Variants in NUDCD1 observed in about 807,000 individuals in gnomAD.
NUDCD1 encodes NudC domain containing 1.
A neutral mutation model predicts 67.8 loss-of-function variants in NUDCD1; 60 were observed. The ratio of observed to expected loss-of-function variants is 0.88; its 90% CI spans 0.72 to 1.10. The LOEUF (loss-of-function observed/expected upper bound fraction) is 1.10, where lower values mean the gene tolerates loss of function less well. NUDCD1 is among the 50% of genes least tolerant of loss of function. NUDCD1 has a pLI of 0.00. For missense variants in NUDCD1, 643 were observed against 695.0 expected (o/e 0.93, Z 0.84); for synonymous variants, 244 against 230.8 (o/e 1.06, Z -0.52).
chr8:109,295,863 C>T (rs761518001), intron 3 of NUDCD1, among the ~76,000 whole-genome samples: 1 of 151,982 alleles, frequency 6.6e-6, no homozygotes, highest in Non-Finnish European at 1.5e-5. Flanking sequence ...TATTAAAACC[C>T]TAAACTACCC....
chr8:109,325,615 AAAG>A (rs1253597598), intron 1 of NUDCD1, among the ~76,000 whole-genome samples: 1 of 152,256 alleles, frequency 6.6e-6, no homozygotes, highest in Non-Finnish European at 1.5e-5. Context: ...CACACTGTTC[AAAG>A]AAGGCCACAC....
intron 7 of NUDCD1, 151 bp downstream of exon 7, chr8:109,275,201 G>T: frequency 1.6e-6 from 1 of 637,704 alleles, no homozygotes; most frequent in Non-Finnish European, 2.7e-6. Flanking sequence ...TTAGAACTTA[G>T]GCCATATTCA....
rs149881065 is a variant in NUDCD1, at chr8:109,321,745, T to C, written c.273+564A>G. Among the ~76,000 whole-genome samples, 3 of 152,016 alleles carry C rather than the reference T, an allele frequency of 2.0e-5. No homozygotes were observed. The East Asian group carries it at 5.8e-4, about 29-fold the overall frequency. On this transcript the variant is annotated intron_variant, in intron 2 of 9. Coordinates refer to ENST00000239690, the MANE Select transcript of NUDCD1 (RefSeq NM_032869.4). ...CTATATGCTCTTTATGACACATACT[T>C]TAAAAACAAGAACACTGATAAATAG...
intron 3 of NUDCD1, among the ~76,000 whole-genome samples, chr8:109,293,905 A>G (rs1335623656): frequency 1.3e-5 from 2 of 152,058 alleles, no homozygotes; most frequent in Non-Finnish European, 2.9e-5. Flanking sequence ...AATCACCAAA[A>G]CATGTTTTTT....
At chr8:109,248,858 A>C (rs1435127601) in intron 8 of NUDCD1, among the ~76,000 whole-genome samples, 2 of 152,130 alleles carry the variant, frequency 1.3e-5, no homozygotes, top group African/African-American at 4.8e-5. Flanking sequence ...AATTTGCAAA[A>C]CTGTCTCCCC....
At chr8:109,265,073 G>C (rs2129928933) in intron 8 of NUDCD1, among the ~76,000 whole-genome samples, 1 of 151,960 alleles carries the variant, frequency 6.6e-6, no homozygotes, top group African/African-American at 2.4e-5. Flanking sequence ...GGCTTGCTAA[G>C]AATACTAATT....
Position 109,322,309 on chromosome 8 carries a change from C to A in NUDCD1, c.273G>T (p.Leu91=), listed in dbSNP as rs1443355645. ...LGRIMNLTVM[L]DTALGKPREV... ...ATTATTACATACATGTTTCTCTTAC[C>A]AGCATTACTGTTAAATTCATAATTC... is the stretch of plus-strand genomic sequence containing the variant. The change falls in exon 2 of 10, where the codon CTG becomes CTT. Residue 91 remains leucine (L), a splice_region_variant and synonymous_variant. Coordinates refer to ENST00000239690, the MANE Select transcript of NUDCD1 (RefSeq NM_032869.4). The A allele has an allele frequency of 1.3e-6, 2 of 1,485,902 alleles. No homozygotes were observed. The highest frequency in any genetic ancestry group is 2.4e-5 in the South Asian group (2 of 83,454). The allele number at this position is 1,485,902 out of a possible 1,614,324, so 92.0% of individuals were successfully genotyped here.
chr8:109,280,942 A>C, intron 6 of NUDCD1, 26 bp downstream of exon 6: 1 of 1,091,326 alleles, frequency 9.2e-7, no homozygotes, highest in Non-Finnish European at 1.3e-6. Context: ...ATAATAGAAT[A>C]TTAAAGTAAA....
At chr8:109,291,078 C>A (rs1586283074) in intron 4 of NUDCD1, among the ~76,000 whole-genome samples, 1 of 152,244 alleles carries the variant, frequency 6.6e-6, no homozygotes, top group Middle Eastern at 3.4e-3. Flanking sequence ...ATGCATGGGA[C>A]AGAAAAGAAT....
At chr8:109,326,890 G>A (rs974085351) in intron 1 of NUDCD1, among the ~76,000 whole-genome samples, 14 of 152,160 alleles carry the variant, frequency 9.2e-5, no homozygotes, top group Non-Finnish European at 1.9e-4. Flanking sequence ...CACTAATAGT[G>A]CTAACGATGA....
chr8:109,296,402 G>A lies in NUDCD1; in HGVS notation c.441C>T (p.Ser147=), dbSNP rs760045371. 6.8e-6 allele frequency: 11 copies of A among 1,611,996 alleles called. No individual in the cohort carries two copies. The highest frequency in any genetic ancestry group is 4.4e-5 in the South Asian group (4 of 90,584). The change falls in exon 3 of 10, where the codon AGC becomes AGT. Residue 147 remains serine, a synonymous_variant. Transcript: ENST00000239690. The part of the protein sequence containing the change: ...YVIGTGERGN[S]ASEKWEIMFN... Reference sequence around the variant, plus strand: ...CCCTCACCTCCCATTTTTCAGAAGCGCTATTTCCACGTTCACCTGTTCCAA... The same window carrying A: ...CCCTCACCTCCCATTTTTCAGAAGCACTATTTCCACGTTCACCTGTTCCAA...
chr8:109,243,551 G>C (rs118134944), intron 9 of NUDCD1, among the ~76,000 whole-genome samples: 1 of 152,052 alleles, frequency 6.6e-6, no homozygotes, highest in Non-Finnish European at 1.5e-5. Flanking sequence ...CAAAAAAAGC[G>C]TAATATAGCT....
intron 1 of NUDCD1, among the ~76,000 whole-genome samples, chr8:109,331,513 C>T (rs909816109): frequency 1.1e-5 from 1 of 93,878 alleles, no homozygotes; most frequent in African/African-American, 5.3e-5. Context: ...AAGACTCAGA[C>T]TCAAAAAAAA....
rs1431504563 is a variant in NUDCD1 at position 109,296,528 on chromosome 8, AG to A, written c.314del (p.Pro105LeufsTer4). ...GGTTGTCACATGCTGTCAAATCTGT[AG>A]GAAGTCGAAACACCTCTCGTGGTTT... is the stretch of plus-strand genomic sequence containing the variant. ...LGKPREVFRL[P>X]TDLTACDNRL... On this transcript the variant is annotated frameshift_variant, in exon 3 of 10. Coordinates refer to ENST00000239690, the MANE Select transcript of NUDCD1 (RefSeq NM_032869.4). LOFTEE classifies it high-confidence loss of function. The A allele has an allele frequency of 1.9e-6, 3 of 1,610,942 alleles. No individual in the cohort carries two copies. Among genetic ancestry groups the A allele is most frequent in the Admixed American group, 1.7e-5 (1 of 59,780 alleles).
chr8:109,282,249 TAG>T (rs912425907), intron 5 of NUDCD1, among the ~76,000 whole-genome samples: 4 of 152,212 alleles, frequency 2.6e-5, no homozygotes, highest in African/African-American at 9.6e-5. Flanking sequence ...CCTGAGGCAA[TAG>T]AGAGTTCTCC....
At chr8:109,302,796 C>G (rs1453477173) in intron 2 of NUDCD1, among the ~76,000 whole-genome samples, 1 of 152,192 alleles carries the variant, frequency 6.6e-6, no homozygotes, top group East Asian at 1.9e-4. Context: ...CTTTACCGCC[C>G]TAGACCCAGA....
chr8:109,245,527 A>G, intron 8 of NUDCD1, 46 bp from the exon 9 acceptor site: 1 of 1,453,608 alleles, frequency 6.9e-7, no homozygotes, highest in South Asian at 1.2e-5. Context: ...CAAATTAATA[A>G]TAGCAACAAT....
chr8:109,300,300 A>G (rs1043183252), intron 2 of NUDCD1, among the ~76,000 whole-genome samples: 2 of 151,964 alleles, frequency 1.3e-5, no homozygotes. Flanking sequence ...TATTAAGCTA[A>G]TCAGGGAGGC....
At chr8:109,327,160 G>A (rs1815698383) in intron 1 of NUDCD1, among the ~76,000 whole-genome samples, 2 of 152,192 alleles carry the variant, frequency 1.3e-5, no homozygotes, top group Admixed American at 6.5e-5. Context: ...ATTTATCTAT[G>A]AAGGTGTAAA....
Sources: gnomAD v4.1 joint callset for allele counts (sites outside exome capture counted in the v4.1 genomes callset) on GRCh38, gnomAD v4.1.1 for gene constraint, MANE v1.5 for transcripts, NCBI Gene and HGNC (gene_info 2026-07-23, HGNC 2026-07-21) for gene names.